BTBD10: variants seen among roughly 807,000 people sequenced by gnomAD.
The protein encoded by BTBD10 is BTB/POZ domain-containing protein 10.
A neutral mutation model predicts 53.2 loss-of-function variants in BTBD10; 21 were observed. The observed-to-expected ratio is 0.39, with a 90% CI of 0.28 to 0.57. The LOEUF is 0.57. BTBD10 is among the 20% of genes least tolerant of loss of function. The pLI is 0.53. For synonymous variants in BTBD10, 149 were observed against 192.7 expected (o/e 0.77, Z 1.88); for missense variants, 360 against 594.7 (o/e 0.61, Z 4.10).
intron 1 of BTBD10, among the ~76,000 whole-genome samples, chr11:13,458,151 A>G (rs1951011972): frequency 6.6e-6 from 1 of 151,710 alleles, no homozygotes; most frequent in African/African-American, 2.4e-5. Flanking sequence ...AAAAAAAAAA[A>G]AAAAAAACTG....
intron 1 of BTBD10, among the ~76,000 whole-genome samples, chr11:13,454,723 A>G (rs1950928981): frequency 6.6e-6 from 1 of 151,448 alleles, no homozygotes; most frequent in Non-Finnish European, 1.5e-5. Context: ...AAATTTTAAA[A>G]TTAAAAAGAT....
At chr11:13,399,510 G>C (rs1465058368) in intron 8 of BTBD10, among the ~76,000 whole-genome samples, 1 of 152,044 alleles carries the variant, frequency 6.6e-6, no homozygotes, top group Non-Finnish European at 1.5e-5. Context: ...CTTTAGCTCG[G>C]AGTAGTTTGA....
At chr11:13,414,001 C>A (rs976386868) in intron 5 of BTBD10, among the ~76,000 whole-genome samples, 1 of 152,174 alleles carries the variant, frequency 6.6e-6, no homozygotes, top group Middle Eastern at 3.4e-3. Context: ...TTCTACGAAA[C>A]CATCATAAAG....
intron 8 of BTBD10, among the ~76,000 whole-genome samples, chr11:13,398,953 T>C (rs1327435451): frequency 6.6e-6 from 1 of 152,244 alleles, no homozygotes; most frequent in Non-Finnish European, 1.5e-5. Flanking sequence ...TTACCCGACC[T>C]TTCTCTCTGG....
rs1950201672 is a variant in BTBD10 at position 13,419,700 on chromosome 11, G to C, written c.344C>G (p.Pro115Arg). The C allele has an allele frequency of 6.2e-7, 1 of 1,612,844 alleles. No individual in the cohort carries two copies. The highest frequency in any genetic ancestry group is 1.1e-5 in the South Asian group (1 of 90,856). Reference sequence around the variant, plus strand: ...GGAACCATTTGGGGATGCTTTTTGAGGACGCGGACTGCTTGGACGAGAGGA... The same window carrying C: ...GGAACCATTTGGGGATGCTTTTTGACGACGCGGACTGCTTGGACGAGAGGA... ...HSSSRPSSPR[P>R]QKASPNGSIS... The change falls in exon 4 of 9, where the codon CCT becomes CGT. Residue 115 changes from proline (P) to arginine (R), a missense_variant. Coordinates refer to ENST00000278174, the MANE Select transcript of BTBD10 (RefSeq NM_032320.7).
chr11:13,421,414 CTTATT>C (rs1388356149), intron 3 of BTBD10, among the ~76,000 whole-genome samples: 2 of 152,132 alleles, frequency 1.3e-5, no homozygotes, highest in African/African-American at 4.8e-5. Context: ...TTTTCAATTA[CTTATT>C]TTATAAGACT....
In BTBD10 at chr11:13,419,661, C is replaced by G; in HGVS notation, c.383G>C (p.Gly128Ala). 1 of 1,614,090 alleles carries G rather than the reference C, an allele frequency of 6.2e-7. No individual in the cohort carries two copies. The highest frequency in any genetic ancestry group is 8.5e-7 in the Non-Finnish European group (1 of 1,179,984). Residue 128 changes from glycine to alanine, a missense_variant, in exon 4 of 9, where the codon GGG becomes GCG. Transcript: ENST00000278174. ...CTGACTACTGTTTCTGCTGCTGTTC[C>G]CAGCACTGCTAATGGAACCATTTGG... ...ASPNGSISSA[G>A]NSSRNSSQSS...
In BTBD10 at chr11:13,405,793, T is replaced by C. The variant is rs1395905867; in HGVS notation, c.872A>G (p.Glu291Gly). ...ARRQFEFYLEEMILPLMVASA... is the reference protein window; with the variant it reads ...ARRQFEFYLEGMILPLMVASA... ...AGCTACCATGAGAGGGAGGATCATT[T>C]CTTCCAGATAAAATTCAAATTGTCT... is the stretch of plus-strand genomic sequence containing the variant. The change falls in exon 7 of 9, where the codon GAA becomes GGA. Residue 291 changes from glutamate (E) to glycine (G), a missense_variant. Around this residue, in one of 6 missense-constraint regions of BTBD10, gnomAD observed 91 missense variants for 171.7 expected, o/e 0.53. Transcript: ENST00000278174. The C allele has an allele frequency of 1.9e-6, 3 of 1,613,690 alleles. No homozygotes were observed. The highest frequency in any genetic ancestry group is 2.5e-6 in the Non-Finnish European group (3 of 1,179,758).
intron 5 of BTBD10, among the ~76,000 whole-genome samples, chr11:13,415,316 G>C (rs1950076000): frequency 6.6e-6 from 1 of 152,036 alleles, no homozygotes; most frequent in Non-Finnish European, 1.5e-5. Context: ...ACAGCAAACT[G>C]TTCTCATGAA....
intron 8 of BTBD10, among the ~76,000 whole-genome samples, chr11:13,390,009 G>A (rs937248690): frequency 2.6e-5 from 4 of 151,706 alleles, no homozygotes; most frequent in Non-Finnish European, 5.9e-5. Context: ...CCGAAGCAGC[G>A]TTCCCTGATT....
intron 2 of BTBD10, among the ~76,000 whole-genome samples, chr11:13,432,888 A>C (rs1201783071): frequency 6.6e-6 from 1 of 152,122 alleles, no homozygotes; most frequent in Non-Finnish European, 1.5e-5. Context: ...TCTAGAGAGA[A>C]CAGAGAAAAT....
chr11:13,460,491 TG>T (rs1951071885), intron 1 of BTBD10, among the ~76,000 whole-genome samples: 1 of 152,188 alleles, frequency 6.6e-6, no homozygotes, highest in South Asian at 2.1e-4. Flanking sequence ...TTCACATTAA[TG>T]GGTAAATGAG....
intron 5 of BTBD10, among the ~76,000 whole-genome samples, chr11:13,416,372 AC>A (rs1950110855): frequency 6.6e-6 from 1 of 151,834 alleles, no homozygotes; most frequent in Non-Finnish European, 1.5e-5. Flanking sequence ...AACAACAACA[AC>A]AACAAAAAAA....
chr11:13,426,422 A>G (rs1185856263), intron 2 of BTBD10, among the ~76,000 whole-genome samples: 1 of 152,164 alleles, frequency 6.6e-6, no homozygotes, highest in East Asian at 1.9e-4. Context: ...ATGAATCTAC[A>G]CAAAAAAATG....
At chr11:13,423,690 C>T (rs1014583007) in intron 2 of BTBD10, among the ~76,000 whole-genome samples, 4 of 152,048 alleles carry the variant, frequency 2.6e-5, no homozygotes, top group South Asian at 2.1e-4. Context: ...TCAGTGTCTC[C>T]GGGTCATCTC....
intron 1 of BTBD10, among the ~76,000 whole-genome samples, chr11:13,445,648 G>A (rs987132277): frequency 5.9e-5 from 9 of 152,010 alleles, no homozygotes; most frequent in African/African-American, 1.7e-4. Context: ...TTCCTTTAAC[G>A]AAGTTAAAAA....
At chr11:13,458,135 CAAAAAAA>C (rs35036994) in intron 1 of BTBD10, among the ~76,000 whole-genome samples, 1 of 62,882 alleles carries the variant, frequency 1.6e-5, no homozygotes, top group African/African-American at 5.6e-5. Flanking sequence ...GACTCCATCT[CAAAAAAA>C]AAAAAAAAAA....
chr11:13,414,998 C>T (rs1159333914), intron 5 of BTBD10, among the ~76,000 whole-genome samples: 3 of 151,926 alleles, frequency 2.0e-5, no homozygotes, highest in African/African-American at 7.3e-5. Flanking sequence ...TCAAGATCAA[C>T]TATTTTCCCT....
At chr11:13,411,246 C>A (rs1949937146) in intron 6 of BTBD10, among the ~76,000 whole-genome samples, 1 of 152,146 alleles carries the variant, frequency 6.6e-6, no homozygotes, top group African/African-American at 2.4e-5. Flanking sequence ...ATGCCACAAA[C>A]TGAAAAAGAG....
Sources: gnomAD v4.1 joint callset for allele counts (sites outside exome capture counted in the v4.1 genomes callset) on GRCh38, gnomAD v4.1.1 for gene constraint, gnomAD v4.1.1 regional missense constraint, MANE v1.5 for transcripts, NCBI Gene and HGNC (gene_info 2026-07-23, HGNC 2026-07-21) for gene names.